PHF20: variants seen among roughly 807,000 people sequenced by gnomAD.
PHF20 encodes PHD finger protein 20, also known as glioma-expressed antigen 2.
A neutral mutation model predicts 113.5 loss-of-function variants in PHF20; 23 were observed. The ratio of observed to expected loss-of-function variants is 0.20; its 90% confidence interval spans 0.15 to 0.29. The LOEUF is 0.29. PHF20 is among the 10% of genes least tolerant of loss of function. The pLI is 1.00. For missense variants in PHF20, 943 were observed against 1,219.6 expected, an observed-to-expected ratio of 0.77 and a Z score of 3.38; for synonymous variants, 434 against 457.3, an observed-to-expected ratio of 0.95 and a Z score of 0.65.
chr20:35,775,809 GTA>G (rs963590675), intron 1 of PHF20, among the ~76,000 whole-genome samples: 3 of 148,412 alleles, frequency 2.0e-5, no homozygotes, highest in Non-Finnish European at 1.5e-5. Context: ...GTTTCTGTGT[GTA>G]TATATATATA....
chr20:35,875,546 T>C lies in PHF20; in HGVS notation c.1282+3717T>C, dbSNP rs114798447. The stretch of plus-strand genomic sequence containing the variant: ...GTCGGGGCAAGGGATCTTCCTTTTT[T>C]TGCTACTCCTCCTCTTAGTGTCAGG... On this transcript the variant is annotated intron_variant, in intron 9 of 17. Transcript: ENST00000374012. Among the ~76,000 whole-genome samples the C allele has an allele frequency of 8.1e-3, 1,233 of 152,306 alleles. 7 individuals carry two copies. The highest frequency in any genetic ancestry group is 0.024 in the Middle Eastern group (7 of 294).
At chr20:35,780,221 CTTTTTTT>C (rs930285446) in intron 1 of PHF20, among the ~76,000 whole-genome samples, 3 of 123,278 alleles carry the variant, frequency 2.4e-5, no homozygotes, top group Non-Finnish European at 3.4e-5. Context: ...CCCCAGATTT[CTTTTTTT>C]TTTTTTTTTT....
At position 35,871,140 on chromosome 20, in the gene PHF20, T is replaced by C. The variant is rs376753347; in HGVS notation, c.1102+6T>C. ...TACCAAGGAATCTGAAGAAGGTGAG[T>C]CAGTCTGTTCAGGAATTGTCTTGCC... On this transcript the variant is annotated splice_donor_region_variant and intron_variant, in intron 8 of 17. Transcript: ENST00000374012. The C allele has an allele frequency of 1.9e-5, 31 of 1,605,044 alleles. No individual in the cohort carries two copies. The highest frequency in any genetic ancestry group is 2.5e-5 in the Non-Finnish European group (29 of 1,177,272).
chr20:35,814,879 A>AT lies in PHF20; in HGVS notation c.83+13274_83+13275insT, dbSNP rs1273432817. Among the ~76,000 whole-genome samples, 8 of 143,576 alleles carry AT rather than the reference A, an allele frequency of 5.6e-5. No homozygotes were observed. The East Asian group carries it at 7.9e-4, about 14-fold the overall frequency. 94.2% of individuals were successfully genotyped at this position (143,576 alleles called of 152,430 possible). On this transcript the variant is annotated intron_variant, in intron 2 of 17. Transcript: ENST00000374012. Reference sequence around the variant, plus strand: ...CAGAGCGAGACTCCGTCTCAAAAAAAAAAAAAAAAAATAAAATAAATAAAT... The same window carrying AT: ...CAGAGCGAGACTCCGTCTCAAAAAAATAAAAAAAAAAATAAAATAAATAAAT...
chr20:35,812,383 C>T (rs1287774583), intron 2 of PHF20, among the ~76,000 whole-genome samples: 6 of 152,068 alleles, frequency 3.9e-5, no homozygotes, highest in African/African-American at 1.4e-4. Flanking sequence ...CGAGCCACTG[C>T]ACTCCAGCCT....
rs57252834 is a variant in PHF20, at chr20:35,819,648, CTGTGTGTGTGTG to C, written c.83+18061_83+18072del. Among the ~76,000 whole-genome samples, 194 of 148,070 alleles carry C rather than the reference CTGTGTGTGTGTG, an allele frequency of 1.3e-3. 1 individual carries two copies. The highest frequency in any genetic ancestry group is 2.1e-3 in the Admixed American group (31 of 14,706). ...CATACCTCTTTACTCCTTACACCAT[CTGTGTGTGTGTG>C]TGTGTGTGTGTGTGTGTTTTTAAGC... On this transcript the variant is annotated intron_variant, in intron 2 of 17. Transcript: ENST00000374012.
intron 4 of PHF20, among the ~76,000 whole-genome samples, chr20:35,854,583 A>T (rs1002588814): frequency 6.6e-6 from 1 of 151,708 alleles, no homozygotes; most frequent in East Asian, 1.9e-4. Context: ...TTGAAGCCCA[A>T]GTTAGGCTGT....
chr20:35,867,826 C>T (rs2146982918), intron 6 of PHF20, among the ~76,000 whole-genome samples: 1 of 151,980 alleles, frequency 6.6e-6, no homozygotes, highest in Non-Finnish European at 1.5e-5. Flanking sequence ...CTCCCATTTA[C>T]TTCTCTTCTT....
At chr20:35,856,069 T>G (rs886310445) in intron 4 of PHF20, among the ~76,000 whole-genome samples, 3 of 152,168 alleles carry the variant, frequency 2.0e-5, no homozygotes, top group African/African-American at 7.2e-5. Flanking sequence ...CTAACTTTTT[T>G]GTACCCCTTA....
chr20:35,941,932 C>T (rs1472543884), intron 17 of PHF20, among the ~76,000 whole-genome samples: 2 of 152,114 alleles, frequency 1.3e-5, no homozygotes, highest in Admixed American at 6.6e-5. Context: ...GTGTTTCCTA[C>T]TGGAGAGGAC....
chr20:35,774,240 G>A (rs1174222852), intron 1 of PHF20, among the ~76,000 whole-genome samples: 1 of 151,816 alleles, frequency 6.6e-6, no homozygotes, highest in Non-Finnish European at 1.5e-5. Context: ...CCACCACACC[G>A]CGCCCGTCTA....
intron 15 of PHF20, among the ~76,000 whole-genome samples, chr20:35,935,771 G>A (rs1411115946): frequency 1.3e-5 from 2 of 152,188 alleles, no homozygotes; most frequent in Admixed American, 6.5e-5. Context: ...GAGGGCATAG[G>A]AAGATCTTGG....
intron 7 of PHF20, among the ~76,000 whole-genome samples, chr20:35,870,129 C>T (rs1310404288): frequency 6.6e-6 from 1 of 151,736 alleles, no homozygotes; most frequent in Non-Finnish European, 1.5e-5. Context: ...ATGGTGAAAC[C>T]CCATCTCTAC....
chr20:35,868,826 C>T (rs1320873774), intron 6 of PHF20, among the ~76,000 whole-genome samples: 3 of 152,100 alleles, frequency 2.0e-5, no homozygotes, highest in Admixed American at 2.0e-4. Context: ...TCTCATGGCT[C>T]ATGCTTGTAA....
intron 2 of PHF20, among the ~76,000 whole-genome samples, chr20:35,832,350 G>A (rs1349001451): frequency 6.6e-6 from 1 of 151,996 alleles, no homozygotes; most frequent in African/African-American, 2.4e-5. Flanking sequence ...ACAATTATTT[G>A]TACCTATAGA....
chr20:35,790,232 G>A (rs1156867933), intron 1 of PHF20, among the ~76,000 whole-genome samples: 1 of 150,970 alleles, frequency 6.6e-6, no homozygotes. Context: ...ACGGAGTCTC[G>A]CTCTGTCATC....
intron 10 of PHF20, 107 bp from the exon 11 acceptor site, chr20:35,913,142 T>G: frequency 1.9e-6 from 1 of 525,530 alleles, no homozygotes; most frequent in Non-Finnish European, 3.5e-6. Context: ...TGCTCCAGAC[T>G]TCCCAGGCAG....
chr20:35,811,369 G>A (rs2041974094), intron 2 of PHF20, among the ~76,000 whole-genome samples: 1 of 151,728 alleles, frequency 6.6e-6, no homozygotes, highest in East Asian at 1.9e-4. Context: ...AATTGCTTAT[G>A]TCCTTGTGAC....
chr20:35,942,234 C>T (rs2055995745), intron 17 of PHF20, among the ~76,000 whole-genome samples: 1 of 152,080 alleles, frequency 6.6e-6, no homozygotes, highest in African/African-American at 2.4e-5. Flanking sequence ...TGTCACGGTA[C>T]TCCAGCCTGT....
Sources: allele counts gnomAD v4.1 joint callset (sites outside exome capture counted in the v4.1 genomes callset), GRCh38; gene constraint gnomAD v4.1.1; transcripts MANE v1.5; gene names NCBI Gene and HGNC (gene_info 2026-07-23, HGNC 2026-07-21).